TENM3: variants seen among roughly 807,000 people sequenced by gnomAD.
TENM3 encodes the protein teneurin-3.
A neutral mutation model predicts 255.1 loss-of-function variants in TENM3; 63 were observed. The ratio of observed to expected loss-of-function variants is 0.25; its 90% CI spans 0.20 to 0.30. TENM3 has a LOEUF of 0.30. TENM3 is among the 10% of genes least tolerant of loss of function. TENM3 has a pLI of 1.00. For missense variants in TENM3, 2,929 were observed against 3,461.1 expected (o/e 0.85, Z 3.86); for synonymous variants, 1,306 against 1,322.3 (o/e 0.99, Z 0.27).
intron 3 of TENM3, among the ~76,000 whole-genome samples, chr4:182,550,220 A>ATATG (rs995072163): frequency 3.9e-5 from 6 of 152,232 alleles, no homozygotes; most frequent in African/African-American, 7.2e-5. Flanking sequence ...TCTTGTAGTC[A>ATATG]TATGTATGTA....
At chr4:182,024,829 C>T in the TENM3 span, among the ~76,000 whole-genome samples, 4 of 151,952 alleles carry the variant, frequency 2.6e-5, no homozygotes, top group African/African-American at 9.7e-5. Flanking sequence ...TCCCCCTGAC[C>T]CAGCTACCAC....
chr4:182,129,682 T>G, the TENM3 span, among the ~76,000 whole-genome samples: 1,054 of 152,310 alleles, frequency 6.9e-3, 7 homozygotes, highest in Admixed American at 0.018. Context: ...GCAATTGATA[T>G]ATAAGTAATC....
the TENM3 span, among the ~76,000 whole-genome samples, chr4:181,835,911 T>G: frequency 6.6e-6 from 1 of 152,204 alleles, no homozygotes; most frequent in African/African-American, 2.4e-5. Context: ...GGTTCTACTT[T>G]CAGGAATCTA....
chr4:182,498,854 TAA>T (rs11413696), intron 3 of TENM3, among the ~76,000 whole-genome samples: 1 of 147,240 alleles, frequency 6.8e-6, no homozygotes. Flanking sequence ...AAACTCCATC[TAA>T]AAAAAAAAAA....
chr4:182,577,128 G>A (rs1745006032), intron 3 of TENM3, among the ~76,000 whole-genome samples: 1 of 152,162 alleles, frequency 6.6e-6, no homozygotes, highest in South Asian at 2.1e-4. Flanking sequence ...ATTCTTCACA[G>A]CAACTAAAGC....
chr4:182,063,333 A>G, the TENM3 span, among the ~76,000 whole-genome samples: 3,624 of 152,298 alleles, frequency 0.024, 149 homozygotes, highest in African/African-American at 0.082. Context: ...ATATGGACCT[A>G]TCATGAAACT....
chr4:182,774,850 C>A (rs1764548372), intron 23 of TENM3, 68 bp from the exon 24 acceptor site: 3 of 1,156,920 alleles, frequency 2.6e-6, no homozygotes, highest in Non-Finnish European at 3.8e-6. Context: ...GAACCTATCT[C>A]ACGGCACAAC....
chr4:182,227,810 G>T (rs1280616061), intron 1 of TENM3, among the ~76,000 whole-genome samples: 3 of 152,106 alleles, frequency 2.0e-5, no homozygotes, highest in East Asian at 1.9e-4. Context: ...TAGCCCTGAG[G>T]TTCAGGGCTT....
At chr4:181,732,551 A>C in the TENM3 span, among the ~76,000 whole-genome samples, 2 of 152,212 alleles carry the variant, frequency 1.3e-5, no homozygotes, top group African/African-American at 4.8e-5. Flanking sequence ...GGCCGTAGTT[A>C]CACAGTTATT....
intron 5 of TENM3, among the ~76,000 whole-genome samples, chr4:182,648,738 T>A (rs1180204621): frequency 6.6e-6 from 1 of 152,226 alleles, no homozygotes; most frequent in East Asian, 1.9e-4. Context: ...CCTTCCTTCC[T>A]AGAGGTCATC....
At chr4:181,766,754 C>CAAA in the TENM3 span, among the ~76,000 whole-genome samples, 2 of 114,846 alleles carry the variant, frequency 1.7e-5, no homozygotes, top group Non-Finnish European at 1.8e-5. Context: ...TGTAGGCGTT[C>CAAA]AAAAAAAAAA....
chr4:182,174,200 T>A (rs1752296951), intron 1 of TENM3, among the ~76,000 whole-genome samples: 1 of 152,094 alleles, frequency 6.6e-6, no homozygotes, highest in Non-Finnish European at 1.5e-5. Flanking sequence ...CTAAATACAT[T>A]TGGATACTAA....
the TENM3 span, among the ~76,000 whole-genome samples, chr4:181,936,221 G>A: frequency 1.3e-4 from 20 of 152,064 alleles, 1 homozygote; most frequent in East Asian, 3.9e-4. Context: ...GTGAAACCCC[G>A]TCTCTACTAA....
the TENM3 span, among the ~76,000 whole-genome samples, chr4:182,051,378 CT>C: frequency 0.69 from 89,083 of 129,378 alleles, 31,598 homozygotes; most frequent in East Asian, 0.89. Flanking sequence ...TTTTTCCTCT[CT>C]TTTTTTTTTT....
chr4:181,928,356 AAC>A, the TENM3 span, among the ~76,000 whole-genome samples: 1 of 151,990 alleles, frequency 6.6e-6, no homozygotes, highest in South Asian at 2.1e-4. Context: ...GGAGCTGAAA[AAC>A]ACAGCACAAG....
the TENM3 span, among the ~76,000 whole-genome samples, chr4:181,897,672 C>G: frequency 2.0e-5 from 3 of 152,030 alleles, no homozygotes; most frequent in Non-Finnish European, 4.4e-5. Context: ...AAATACTGAG[C>G]TTTATCTTCT....
At chr4:182,695,515 G>C (rs1328757979) in intron 12 of TENM3, among the ~76,000 whole-genome samples, 3 of 152,146 alleles carry the variant, frequency 2.0e-5, no homozygotes, top group Non-Finnish European at 2.9e-5. Flanking sequence ...ATTTAGTTTA[G>C]ATTTAATGGG....
intron 3 of TENM3, among the ~76,000 whole-genome samples, chr4:182,465,886 C>T (rs1005945978): frequency 6.6e-6 from 1 of 151,940 alleles, no homozygotes; most frequent in African/African-American, 2.4e-5. Context: ...TTAGTTTTAA[C>T]ATTTTTATTG....
chr4:181,616,960 G>C, the TENM3 span, among the ~76,000 whole-genome samples: 1 of 151,920 alleles, frequency 6.6e-6, no homozygotes, highest in Admixed American at 6.6e-5. Flanking sequence ...CCGTTTTCTG[G>C]GTAGCCCTTA....
Sources: gnomAD v4.1 joint callset for allele counts (sites outside exome capture counted in the v4.1 genomes callset) on GRCh38, gnomAD v4.1.1 for gene constraint, MANE v1.5 for transcripts, NCBI Gene and HGNC (gene_info 2026-07-23, HGNC 2026-07-21) for gene names.